SLC35F4: variants seen among roughly 807,000 people sequenced by gnomAD.
SLC35F4 encodes the protein solute carrier family 35 member F4, also known as chromosome 14 open reading frame 36.
In SLC35F4, 24 loss-of-function variants were observed where a neutral mutation model predicts 44.2. The ratio of observed to expected loss-of-function variants is 0.54; its 90% CI spans 0.39 to 0.76. The LOEUF is 0.76. Ranked by LOEUF, SLC35F4 falls within the 30% of genes least tolerant of loss-of-function variation. The pLI is 0.00. For missense variants in SLC35F4, 562 were observed against 586.1 expected (o/e 0.96, Z 0.42); for synonymous variants, 238 against 223.6 (o/e 1.06, Z -0.57).
intron 1 of SLC35F4, among the ~76,000 whole-genome samples, chr14:57,902,197 T>G (rs1889014903): frequency 6.6e-6 from 1 of 152,196 alleles, no homozygotes; most frequent in Non-Finnish European, 1.5e-5. Context: ...CTAAATTGTT[T>G]GTCCAGTCCT....
chr14:57,979,466 T>C (rs1245562762), intron 1 of SLC35F4, among the ~76,000 whole-genome samples: 2 of 152,196 alleles, frequency 1.3e-5, no homozygotes, highest in Non-Finnish European at 2.9e-5. Flanking sequence ...GCCACTGTCA[T>C]GCAGAAACAA....
chr14:57,646,569 C>T (rs2073529423), intron 1 of SLC35F4, among the ~76,000 whole-genome samples: 2 of 152,272 alleles, frequency 1.3e-5, no homozygotes, highest in East Asian at 1.9e-4. Flanking sequence ...TTTCAAAAAA[C>T]CAGTTCCTGG....
chr14:57,674,220 T>C (rs919734150), intron 1 of SLC35F4, among the ~76,000 whole-genome samples: 4 of 152,058 alleles, frequency 2.6e-5, no homozygotes, highest in South Asian at 2.1e-4. Flanking sequence ...ACATCAAATA[T>C]TGGCAAAGTT....
chr14:57,759,538 C>T (rs1207353416), intron 1 of SLC35F4, among the ~76,000 whole-genome samples: 1 of 152,052 alleles, frequency 6.6e-6, no homozygotes, highest in Non-Finnish European at 1.5e-5. Context: ...TATGTTTGTG[C>T]CACTGCACTC....
intron 1 of SLC35F4, among the ~76,000 whole-genome samples, chr14:57,978,981 T>C (rs1289790519): frequency 6.6e-6 from 1 of 152,234 alleles, no homozygotes; most frequent in African/African-American, 2.4e-5. Context: ...GGAGTATGTC[T>C]GGAACCTATG....
At chr14:57,903,362 T>C (rs1267274292) in intron 1 of SLC35F4, among the ~76,000 whole-genome samples, 1 of 152,194 alleles carries the variant, frequency 6.6e-6, no homozygotes, top group African/African-American at 2.4e-5. Flanking sequence ...CTGGGGAATA[T>C]GTGGGAAGAT....
chr14:57,769,139 G>A (rs74631150), intron 1 of SLC35F4, among the ~76,000 whole-genome samples: 1 of 152,018 alleles, frequency 6.6e-6, no homozygotes. Flanking sequence ...AAATACTTAA[G>A]AGCAACCCTA....
At chr14:57,894,662 A>G (rs1311749144) in intron 1 of SLC35F4, among the ~76,000 whole-genome samples, 1 of 152,166 alleles carries the variant, frequency 6.6e-6, no homozygotes, top group African/African-American at 2.4e-5. Flanking sequence ...GTATTGCAGA[A>G]TTTTTATAAA....
At chr14:57,831,434 G>A (rs950510616) in intron 1 of SLC35F4, among the ~76,000 whole-genome samples, 3 of 152,126 alleles carry the variant, frequency 2.0e-5, no homozygotes, top group South Asian at 4.1e-4. Context: ...AGTGATAGAC[G>A]CAGGCATACA....
chr14:57,972,564 A>G (rs1198719698), downstream of SLC35F4, among the ~76,000 whole-genome samples: 1 of 152,126 alleles, frequency 6.6e-6, no homozygotes, highest in African/African-American at 2.4e-5. Context: ...AAACCTTAAC[A>G]TTTCATTTTA....
chr14:57,912,617 A>G (rs1359189475), intron 1 of SLC35F4, among the ~76,000 whole-genome samples: 2 of 151,958 alleles, frequency 1.3e-5, no homozygotes, highest in Non-Finnish European at 2.9e-5. Context: ...TAATTCCATT[A>G]TTGTCTGACA....
intron 1 of SLC35F4, among the ~76,000 whole-genome samples, chr14:57,927,628 T>G (rs1490637644): frequency 2.0e-5 from 3 of 151,884 alleles, no homozygotes; most frequent in African/African-American, 7.3e-5. Context: ...GTAGCTGGGA[T>G]TACAGGCACC....
In SLC35F4 at chr14:57,720,690, T is replaced by A. The variant is rs947364195; in HGVS notation, c.104-126566A>T. ...TCTGTGAGAGTGTTGCCAAAGGAGA[T>A]GAGCATTTGAGTCAGTAGGCTGGGA... On this transcript the variant is annotated intron_variant, in intron 1 of 7. Coordinates refer to ENST00000556826, the MANE Select transcript of SLC35F4 (RefSeq NM_001306087.2). Among the ~76,000 whole-genome samples, 6 of 151,988 alleles carry A rather than the reference T, an allele frequency of 3.9e-5. No individual in the cohort carries two copies. The South Asian group carries it at 6.2e-4, about 16-fold the overall frequency.
At chr14:57,853,278 T>A (rs1288102908) in intron 1 of SLC35F4, among the ~76,000 whole-genome samples, 2 of 152,184 alleles carry the variant, frequency 1.3e-5, no homozygotes, top group Non-Finnish European at 2.9e-5. Flanking sequence ...ATCTATAAGT[T>A]CATTACATAT....
chr14:57,741,576 A>C (rs1011988301), intron 1 of SLC35F4, among the ~76,000 whole-genome samples: 9 of 152,206 alleles, frequency 5.9e-5, no homozygotes, highest in African/African-American at 2.2e-4. Context: ...TCCTCCAAGA[A>C]ATGAGACTAT....
chr14:57,583,828 GA>G (rs200446625), intron 3 of SLC35F4, among the ~76,000 whole-genome samples: 20 of 150,848 alleles, frequency 1.3e-4, no homozygotes, highest in East Asian at 5.8e-4. Flanking sequence ...CATGAAAACT[GA>G]AAAAAAAATA....
intron 1 of SLC35F4, among the ~76,000 whole-genome samples, chr14:57,620,742 A>G (rs962732222): frequency 1.3e-5 from 2 of 152,160 alleles, no homozygotes; most frequent in African/African-American, 4.8e-5. Context: ...AGGGTTGTTG[A>G]ATTTTGTCAA....
chr14:57,703,542 A>G (rs2075595208), intron 1 of SLC35F4, among the ~76,000 whole-genome samples: 1 of 152,194 alleles, frequency 6.6e-6, no homozygotes, highest in Non-Finnish European at 1.5e-5. Flanking sequence ...GCAGTGGTAG[A>G]GGTGAACCTT....
chr14:57,814,003 G>T (rs922562261), intron 1 of SLC35F4, among the ~76,000 whole-genome samples: 1 of 152,156 alleles, frequency 6.6e-6, no homozygotes, highest in Non-Finnish European at 1.5e-5. Flanking sequence ...TTAACTATGG[G>T]CTTAATGTTG....
Sources: allele counts gnomAD v4.1 joint callset (sites outside exome capture counted in the v4.1 genomes callset), GRCh38; gene constraint gnomAD v4.1.1; transcripts MANE v1.5; gene names NCBI Gene and HGNC (gene_info 2026-07-23, HGNC 2026-07-21).